The following CASD1 variants were observed in gnomAD, a reference collection of about 807,000 sequenced individuals.
CASD1 encodes the protein N-acetylneuraminate (7)9-O-acetyltransferase.
Under a neutral mutation model 100.0 loss-of-function variants are expected in CASD1, and 41 were observed. That is an observed-to-expected ratio of 0.41 (90% CI 0.32 to 0.53). CASD1 has a LOEUF of 0.53. Among genes scored for constraint, CASD1 ranks in the 20% least tolerant of loss-of-function variants. CASD1 has a pLI of 0.25. For missense variants in CASD1, 774 were observed against 948.7 expected (o/e 0.82, Z 2.42); for synonymous variants, 321 against 315.6 (o/e 1.02, Z -0.18).
chr7:94,548,279 T>C (rs911760898), intron 13 of CASD1, among the ~76,000 whole-genome samples: 3 of 151,882 alleles, frequency 2.0e-5, no homozygotes, highest in African/African-American at 7.2e-5. Flanking sequence ...TTAATATTTG[T>C]TTATTGATCA....
rs974173695 is a variant in CASD1 at position 94,509,859 on chromosome 7, G to T, written c.-226G>T. ...GAACCGGCACGGCGGAGCAGCGGCG[G>T]CGGGGCTGGGGGGAGGCCGCCGAGT... On this transcript the variant is annotated 5_prime_UTR_variant, in exon 1 of 18. Coordinates refer to ENST00000297273, the MANE Select transcript of CASD1 (RefSeq NM_022900.5). 6.4e-5 allele frequency: 59 copies of T among 928,734 alleles called. 1 individual carries two copies. The Middle Eastern group carries it at 1.6e-3, about 25-fold the overall frequency. 57.5% of individuals were successfully genotyped at this position (928,734 alleles called of 1,614,324 possible).
chr7:94,557,404 C>T (rs1181253679), downstream of CASD1, among the ~76,000 whole-genome samples: 3 of 152,034 alleles, frequency 2.0e-5, no homozygotes, highest in African/African-American at 4.8e-5. Context: ...TGCTCTGCCT[C>T]CTAGACTGCA....
In CASD1 at chr7:94,534,252, C is replaced by T. The variant is rs1038727609; in HGVS notation, c.628+450C>T. Among the ~76,000 whole-genome samples the T allele has an allele frequency of 6.6e-5, 10 of 150,726 alleles. 1 individual carries two copies. The highest frequency in any genetic ancestry group is 2.6e-4 in the Admixed American group (4 of 15,132). ...CACGATCTTGGCTCACTGCAACCTC[C>T]GCCTCCCAGGCTCAAGCGATCCTTC... On this transcript the variant is annotated intron_variant, in intron 7 of 17. Transcript: ENST00000297273.
chr7:94,537,341 G>T, intron 8 of CASD1, 131 bp from the exon 9 acceptor site: 1 of 779,192 alleles, frequency 1.3e-6, no homozygotes. Context: ...GCATGATTTG[G>T]GAAATGGTAG....
the CASD1 span, chr7:94,590,444 T>G: frequency 1.3e-5 from 2 of 152,150 alleles, no homozygotes; most frequent in African/African-American, 4.8e-5. Context: ...ACCATCATAT[T>G]TTGTTTAGTA....
chr7:94,532,896 T>C (rs901053050), intron 5 of CASD1, among the ~76,000 whole-genome samples: 1 of 152,174 alleles, frequency 6.6e-6, no homozygotes, highest in African/African-American at 2.4e-5. Context: ...TCTAAGCATT[T>C]TACTCAGAGT....
At chr7:94,622,971 T>C in the CASD1 span, among the ~76,000 whole-genome samples, 2 of 152,098 alleles carry the variant, frequency 1.3e-5, no homozygotes, top group Non-Finnish European at 2.9e-5. Flanking sequence ...TGAGACAGGC[T>C]CTCACCCTAT....
Position 94,528,184 on chromosome 7 carries a change from T to C in CASD1, c.397-4T>C, listed in dbSNP as rs760150216. On this transcript the variant is annotated splice_polypyrimidine_tract_variant and splice_region_variant and intron_variant, in intron 4 of 17. Transcript: ENST00000297273. ...TTTCTTTACTTCTAACATTTCTCTT[T>C]TAGGATTTTCTGTGGCATCCTGAAG... 13 of 1,599,386 alleles carry C rather than the reference T, an allele frequency of 8.1e-6. No individual in the cohort carries two copies. The African/African-American group carries it at 1.6e-4, about 20-fold the overall frequency.
At chr7:94,517,754 G>A (rs370787608) in intron 2 of CASD1, 98 bp downstream of exon 2, 6 of 715,184 alleles carry the variant, frequency 8.4e-6, no homozygotes, top group African/African-American at 5.3e-5. Context: ...TCTATGTTGG[G>A]GTAGAGACTT....
At chr7:94,525,354 A>G (rs568131084) in intron 3 of CASD1, among the ~76,000 whole-genome samples, 2 of 152,172 alleles carry the variant, frequency 1.3e-5, no homozygotes, top group East Asian at 1.9e-4. Context: ...TAAACACACA[A>G]TTTAGGAGAG....
intron 5 of CASD1, among the ~76,000 whole-genome samples, chr7:94,531,895 A>G (rs1418104525): frequency 1.3e-5 from 2 of 152,226 alleles, no homozygotes; most frequent in East Asian, 1.9e-4. Flanking sequence ...GCAATATCCT[A>G]TTAGCCATTC....
chr7:94,547,869 A>G (rs969750961), intron 13 of CASD1, among the ~76,000 whole-genome samples: 1 of 151,718 alleles, frequency 6.6e-6, no homozygotes, highest in African/African-American at 2.4e-5. Flanking sequence ...ACTGTTTTGT[A>G]CCTGGCTGTA....
chr7:94,532,358 A>T (rs1794892911), intron 5 of CASD1, among the ~76,000 whole-genome samples: 1 of 152,092 alleles, frequency 6.6e-6, no homozygotes, highest in Non-Finnish European at 1.5e-5. Flanking sequence ...TATTGAGTAA[A>T]ATAGGGGTTA....
At chr7:94,630,316 G>A in the CASD1 span, among the ~76,000 whole-genome samples, 1 of 151,680 alleles carries the variant, frequency 6.6e-6, no homozygotes, top group Non-Finnish European at 1.5e-5. Flanking sequence ...GACAAAGCAT[G>A]TCAGACTATA....
the CASD1 span, among the ~76,000 whole-genome samples, chr7:94,612,098 A>G: frequency 6.6e-6 from 1 of 152,182 alleles, no homozygotes; most frequent in Non-Finnish European, 1.5e-5. Flanking sequence ...TGTGAAATAT[A>G]TTTGTAAGGA....
rs372582422 is a variant in CASD1, at chr7:94,535,567, C to T, written c.843+44C>T. 1.5e-5 allele frequency: 21 copies of T among 1,370,156 alleles called. No individual in the cohort carries two copies. In the Middle Eastern group the frequency reaches 5.7e-4, roughly 37 times the overall value. 84.9% of individuals were successfully genotyped at this position (1,370,156 alleles called of 1,614,324 possible). A position where few individuals can be genotyped will look rare whatever the true frequency, so the allele number is the denominator to read the frequency against. On this transcript the variant is annotated intron_variant, in intron 8 of 17. Transcript: ENST00000297273. The stretch of plus-strand genomic sequence containing the variant: ...TGTCAGTAGATGGAGACTATAATAT[C>T]AATTGCTTTAAGCCATAAGTCATTA...
At chr7:94,628,734 A>G in the CASD1 span, 2 of 212,678 alleles carry the variant, frequency 9.4e-6, no homozygotes, top group Non-Finnish European at 1.9e-5. Context: ...TCTGGACACT[A>G]TCATATGAGT....
intron 4 of CASD1, among the ~76,000 whole-genome samples, 170 bp from the exon 5 acceptor site, chr7:94,528,018 A>G (rs891522495): frequency 6.6e-6 from 1 of 152,220 alleles, no homozygotes; most frequent in African/African-American, 2.4e-5. Context: ...AGTGGATTCA[A>G]GGAGAACTAT....
At chr7:94,618,249 G>A in the CASD1 span, 1 of 156,440 alleles carries the variant, frequency 6.4e-6, no homozygotes, top group Non-Finnish European at 1.4e-5. Context: ...AGGAGTTCAG[G>A]GTTTGCCCAG....
Sources: gnomAD v4.1 joint callset for allele counts (sites outside exome capture counted in the v4.1 genomes callset) on GRCh38, gnomAD v4.1.1 for gene constraint, MANE v1.5 for transcripts, NCBI Gene and HGNC (gene_info 2026-07-23, HGNC 2026-07-21) for gene names.